The following EPHB2 variants were observed in gnomAD, a reference collection of about 807,000 sequenced individuals.
EPHB2 encodes the protein EPH receptor B2.
EPHB2 carries 18 observed loss-of-function variants against 96.4 expected under a neutral mutation model. That is an observed-to-expected ratio of 0.19 (90% CI 0.13 to 0.28). EPHB2 has a LOEUF of 0.28. Among genes scored for constraint, EPHB2 ranks in the 10% least tolerant of loss-of-function variants. The pLI, the probability that EPHB2 is intolerant of heterozygous loss-of-function variation, is 1.00. For missense variants in EPHB2, 989 were observed against 1,355.4 expected, an observed-to-expected ratio of 0.73 and a Z score of 4.25; for synonymous variants, 506 against 534.1, an observed-to-expected ratio of 0.95 and a Z score of 0.72.
rs1489830577 is a variant in EPHB2 at position 22,860,406 on chromosome 1, T to C, written c.812-2631T>C. Among the ~76,000 whole-genome samples, 1 of 151,846 alleles carries C rather than the reference T, an allele frequency of 6.6e-6. No individual in the cohort carries two copies. Among genetic ancestry groups the C allele is most frequent in the African/African-American group, 2.4e-5 (1 of 41,302 alleles). ...GAGTGAGTTTCATGAAGCAGTGCCA[T>C]AGATACAGAAATGATACAGTGCCCG... On this transcript the variant is annotated intron_variant, in intron 3 of 15. Coordinates refer to ENST00000374630, the MANE Select transcript of EPHB2 (RefSeq NM_017449.5). This position sits in a 1 kb window ranked among gnomAD's most constrained non-coding sequence, Gnocchi z 4.6.
intron 6 of EPHB2, 156 bp downstream of exon 6, chr1:22,882,639 AGCTCC>A (rs1217623921): frequency 5.1e-6 from 6 of 1,171,178 alleles, no homozygotes; most frequent in Non-Finnish European, 7.2e-6. Flanking sequence ...CTCCCAATCC[AGCTCC>A]GCTCCTTCCC....
chr1:22,737,404 C>T (rs1394825397), intron 1 of EPHB2, among the ~76,000 whole-genome samples: 1 of 152,170 alleles, frequency 6.6e-6, no homozygotes, highest in African/African-American at 2.4e-5. Context: ...CCTTGTCATC[C>T]CACAAACTCT....
Position 22,846,652 on chromosome 1 carries a change from C to T in EPHB2, c.812-16385C>T, listed in dbSNP as rs1247142683. ...GACTCTGGGTTCCAGCTGCCTCAAA[C>T]GAGCAGCAGGTCCTCAGCCTTGCCA... On this transcript the variant is annotated intron_variant, in intron 3 of 15. Coordinates refer to ENST00000374630, the MANE Select transcript of EPHB2 (RefSeq NM_017449.5). This position sits in a 1 kb window ranked among gnomAD's most constrained non-coding sequence, Gnocchi z 4.3. Among the ~76,000 whole-genome samples the T allele has an allele frequency of 2.0e-5, 3 of 152,216 alleles. No individual in the cohort carries two copies. Among genetic ancestry groups the T allele is most frequent in the Non-Finnish European group, 2.9e-5 (2 of 68,050 alleles).
At chr1:22,844,179 G>A (rs1645508421) in intron 3 of EPHB2, among the ~76,000 whole-genome samples, 1 of 152,084 alleles carries the variant, frequency 6.6e-6, no homozygotes, top group South Asian at 2.1e-4. Context: ...CGGATTGTTG[G>A]GTCAAATGGT....
At chr1:22,882,232 G>C in intron 5 of EPHB2, 127 bp from the exon 6 acceptor site, 1 of 1,514,752 alleles carries the variant, frequency 6.6e-7, no homozygotes, top group Non-Finnish European at 9.0e-7. Context: ...TGGCTCTGTG[G>C]CCTCAGCCAG....
At chr1:22,871,581 C>T (rs964340458) in intron 5 of EPHB2, among the ~76,000 whole-genome samples, 13 of 152,214 alleles carry the variant, frequency 8.5e-5, no homozygotes, top group African/African-American at 1.7e-4. Context: ...TGGACATTAA[C>T]AAGAATGTGA....
At chr1:22,805,904 G>T (rs1644918967) in intron 3 of EPHB2, among the ~76,000 whole-genome samples, 1 of 152,170 alleles carries the variant, frequency 6.6e-6, no homozygotes, top group African/African-American at 2.4e-5. Context: ...TGCAGCAGGG[G>T]GCAGGAGCCC....
chr1:22,859,485 C>CAATTT (rs1324508897), intron 3 of EPHB2, among the ~76,000 whole-genome samples: 1 of 152,116 alleles, frequency 6.6e-6, no homozygotes, highest in Non-Finnish European at 1.5e-5. Context: ...ACATACCAGA[C>CAATTT]AATTTGCCTA....
intron 1 of EPHB2, among the ~76,000 whole-genome samples, chr1:22,748,596 G>T (rs113697096): frequency 3.8e-4 from 58 of 151,436 alleles, no homozygotes; most frequent in African/African-American, 1.4e-3. Flanking sequence ...TGGTCAGGCT[G>T]GTCTCGAACT....
chr1:22,905,569 T>G (rs1200165766), intron 9 of EPHB2, among the ~76,000 whole-genome samples: 1 of 152,166 alleles, frequency 6.6e-6, no homozygotes, highest in Non-Finnish European at 1.5e-5. Flanking sequence ...TTTCTGTATT[T>G]TAGTTCCAAT....
intron 3 of EPHB2, among the ~76,000 whole-genome samples, chr1:22,850,427 C>G (rs1233835084): frequency 6.6e-6 from 1 of 152,226 alleles, no homozygotes; most frequent in Non-Finnish European, 1.5e-5. Flanking sequence ...CCTCACGGTA[C>G]CAGGACTGGG....
rs375951467 is a variant in EPHB2, at chr1:22,784,571, C to T, written c.306C>T (p.Ser102=). ...FSVRDCSSIP[S]VPGSCKETFN... is the part of the protein sequence containing the mutation. ...TGCGTGACTGCAGCAGCATCCCCAGCGTGCCTGGCTCCTGCAAGGAGACCT... is the reference window on the plus strand; with the variant it reads ...TGCGTGACTGCAGCAGCATCCCCAGTGTGCCTGGCTCCTGCAAGGAGACCT... The change falls in exon 3 of 16, where the codon AGC becomes AGT. Residue 102 remains serine (S), a synonymous_variant. Coordinates refer to ENST00000374630, the MANE Select transcript of EPHB2 (RefSeq NM_017449.5). This position sits in a 1 kb window ranked among gnomAD's most constrained non-coding sequence, Gnocchi z 5.1. The T allele has an allele frequency of 2.0e-5, 33 of 1,614,176 alleles. No homozygotes were observed. In the South Asian group the frequency reaches 2.1e-4, roughly 10 times the overall value.
chr1:22,769,889 G>C (rs925259504), intron 1 of EPHB2, among the ~76,000 whole-genome samples: 1 of 152,150 alleles, frequency 6.6e-6, no homozygotes, highest in Non-Finnish European at 1.5e-5. Flanking sequence ...AGGGAGGGAG[G>C]TTGCTTCAGA....
chr1:22,825,415 G>A (rs1190474740), intron 3 of EPHB2, among the ~76,000 whole-genome samples: 4 of 150,926 alleles, frequency 2.7e-5, no homozygotes, highest in Admixed American at 6.7e-5. Flanking sequence ...GTCAAGAGTG[G>A]AGAGGGCTGG....
At position 22,725,876 on chromosome 1, in the gene EPHB2, G is replaced by A. The variant is rs997527812; in HGVS notation, c.61+14833G>A. Among the ~76,000 whole-genome samples the A allele has an allele frequency of 3.3e-5, 5 of 152,184 alleles. No individual in the cohort carries two copies. The South Asian group carries it at 1.0e-3, about 32-fold the overall frequency. ...GGAGCACAGGAGCTTAGAGCCAGGG[G>A]GAGATGCAACAGCAGGGGAAGAGAT... is the stretch of plus-strand genomic sequence containing the variant. On this transcript the variant is annotated intron_variant, in intron 1 of 15. Coordinates refer to ENST00000374630, the MANE Select transcript of EPHB2 (RefSeq NM_017449.5).
At chr1:22,833,525 T>A (rs1020628171) in intron 3 of EPHB2, among the ~76,000 whole-genome samples, 2 of 152,100 alleles carry the variant, frequency 1.3e-5, no homozygotes, top group African/African-American at 2.4e-5. Context: ...GTTTGGGAGG[T>A]AGATAGGGAT....
chr1:22,848,544 C>T (rs539411497), intron 3 of EPHB2, among the ~76,000 whole-genome samples: 2 of 152,326 alleles, frequency 1.3e-5, no homozygotes, highest in East Asian at 1.9e-4. Context: ...AACTCAAACC[C>T]CCAGGTCTTT....
chr1:22,912,733 G>A, intron 15 of EPHB2, 134 bp downstream of exon 15: 17 of 1,360,958 alleles, frequency 1.2e-5, no homozygotes, highest in Non-Finnish European at 1.7e-5. Context: ...GGGCAAGATG[G>A]CCAACTTTGG....
At chr1:22,898,451 C>T (rs561479191) in intron 9 of EPHB2, among the ~76,000 whole-genome samples, 2 of 152,224 alleles carry the variant, frequency 1.3e-5, no homozygotes, top group South Asian at 2.1e-4. Flanking sequence ...TGGCAGGTTT[C>T]GGGAACAGCA....
Sources: allele counts gnomAD v4.1 joint callset (sites outside exome capture counted in the v4.1 genomes callset), GRCh38; gene constraint gnomAD v4.1.1; non-coding constraint Gnocchi (gnomAD v3.1); transcripts MANE v1.5; gene names NCBI Gene and HGNC (gene_info 2026-07-23, HGNC 2026-07-21).